ST7: variants seen among roughly 807,000 people sequenced by gnomAD.
The protein encoded by ST7 is suppression of tumorigenicity 7.
ST7 carries 28 observed loss-of-function variants against 78.7 expected under a neutral mutation model. The ratio of observed to expected loss-of-function variants is 0.36; its 90% CI spans 0.26 to 0.49. The LOEUF is 0.49. Ranked by LOEUF, ST7 falls within the 20% of genes least tolerant of loss-of-function variation. The pLI, the probability that ST7 is intolerant of heterozygous loss-of-function variation, is 0.99. For missense variants in ST7, 418 were observed against 696.0 expected, an observed-to-expected ratio of 0.60 and a Z score of 4.49; for synonymous variants, 247 against 249.6, an observed-to-expected ratio of 0.99 and a Z score of 0.10.
rs117315656 is a variant in ST7, at chr7:117,211,371, C to G, written c.1405+1434C>G. Among the ~76,000 whole-genome samples the G allele has an allele frequency of 1.1e-3, 160 of 152,286 alleles. 1 individual carries two copies. In the East Asian group the frequency reaches 0.028, roughly 27 times the overall value. On this transcript the variant is annotated intron_variant, in intron 13 of 15. Transcript: ENST00000323984. ...GGTGTGTGTGAGCATGGTCATGATT[C>G]CTTCTGGCTTGTGCTTCCTGTTGTA... is the stretch of plus-strand genomic sequence containing the variant.
At chr7:117,218,806 C>T (rs912771271) in intron 13 of ST7, among the ~76,000 whole-genome samples, 1 of 152,134 alleles carries the variant, frequency 6.6e-6, no homozygotes, top group Middle Eastern at 3.4e-3. Context: ...ATGATGAAAC[C>T]CTGGGCATTG....
At chr7:117,104,088 G>A (rs766887532) in intron 2 of ST7, among the ~76,000 whole-genome samples, 15 of 151,924 alleles carry the variant, frequency 9.9e-5, no homozygotes, top group Non-Finnish European at 2.1e-4. Context: ...CTCCTGCCTC[G>A]GCCTCCTGAG....
intron 1 of ST7, chr7:117,020,756 A>G (rs1795857805): frequency 1.5e-6 from 2 of 1,351,130 alleles, no homozygotes; most frequent in East Asian, 2.5e-5. Context: ...TCTAATTACA[A>G]AGGAATTGGT....
At chr7:117,071,623 A>G (rs531927098) in intron 1 of ST7, among the ~76,000 whole-genome samples, 42 of 152,340 alleles carry the variant, frequency 2.8e-4, no homozygotes, top group African/African-American at 9.6e-4. Context: ...TATAGAAAGT[A>G]ATATTTGTAT....
At chr7:117,055,521 G>T (rs1200594886) in intron 1 of ST7, among the ~76,000 whole-genome samples, 1 of 152,192 alleles carries the variant, frequency 6.6e-6, no homozygotes, top group Non-Finnish European at 1.5e-5. Context: ...CAGATAAATT[G>T]AGTGAATAAT....
At chr7:117,169,877 A>G (rs1051394692) in intron 9 of ST7, among the ~76,000 whole-genome samples, 21 of 147,404 alleles carry the variant, frequency 1.4e-4, no homozygotes, top group African/African-American at 5.3e-4. Flanking sequence ...CCCATCTTTA[A>G]GCTTCTTCCC....
rs556596969 is a variant in ST7, at chr7:117,127,649, T to C, written c.395-2144T>C. On this transcript the variant is annotated intron_variant, in intron 3 of 15. Transcript: ENST00000323984. The stretch of plus-strand genomic sequence containing the variant: ...GATCCTTTTTTCTAAGTTTTAGGGA[T>C]AGTTAAACTGAATGCAGCACACATA... 7.9e-4 allele frequency among the ~76,000 whole-genome samples: 120 copies of C among 152,074 alleles called. 2 individuals are homozygous for C. The South Asian group carries it at 0.015, about 19-fold the overall frequency.
chr7:117,182,117 C>T lies in ST7; in HGVS notation c.1079-7204C>T, dbSNP rs1808815523. Among the ~76,000 whole-genome samples, 3 of 152,160 alleles carry T rather than the reference C, an allele frequency of 2.0e-5. No homozygotes were observed. The South Asian group carries it at 6.2e-4, about 32-fold the overall frequency. On this transcript the variant is annotated intron_variant, in intron 10 of 15. Coordinates refer to ENST00000323984, the MANE Select transcript of ST7 (RefSeq NM_001369598.1). ...ATTTCTAAAAATCAGATCTTGGAAA[C>T]ACATAGCACAGTTTAAAATCATGTG...
At chr7:117,149,907 C>A (rs1252721869) in intron 9 of ST7, among the ~76,000 whole-genome samples, 1 of 152,116 alleles carries the variant, frequency 6.6e-6, no homozygotes, top group Non-Finnish European at 1.5e-5. Context: ...TTTAATCACA[C>A]ACTGCCCTCA....
chr7:117,116,621 G>A (rs947045397), intron 2 of ST7, among the ~76,000 whole-genome samples: 6 of 152,054 alleles, frequency 3.9e-5, no homozygotes. Context: ...TTAGAAGGAC[G>A]GGGTCCTTTT....
At chr7:117,059,013 G>A (rs1310009088) in intron 1 of ST7, among the ~76,000 whole-genome samples, 1 of 152,154 alleles carries the variant, frequency 6.6e-6, no homozygotes, top group African/African-American at 2.4e-5. Context: ...AACTAATGGA[G>A]ATAGAGAATA....
chr7:117,033,943 TCTTC>T (rs1441805727), intron 1 of ST7, among the ~76,000 whole-genome samples: 1 of 152,086 alleles, frequency 6.6e-6, no homozygotes, highest in Non-Finnish European at 1.5e-5. Flanking sequence ...TTGTTGTTCT[TCTTC>T]CTTTTTTTGT....
intron 9 of ST7, among the ~76,000 whole-genome samples, chr7:117,141,215 T>TA (rs1284882597): frequency 1.3e-5 from 2 of 152,208 alleles, no homozygotes; most frequent in African/African-American, 4.8e-5. Flanking sequence ...TGCATGAGTT[T>TA]AAAACTTTCC....
intron 9 of ST7, chr7:117,144,227 A>G (rs1337947538): frequency 1.3e-5 from 2 of 152,140 alleles, no homozygotes; most frequent in East Asian, 1.9e-4. Context: ...TATTCAGTCT[A>G]TGGTGATATT....
intron 9 of ST7, among the ~76,000 whole-genome samples, chr7:117,147,419 A>T (rs968168279): frequency 1.3e-5 from 2 of 152,158 alleles, no homozygotes; most frequent in African/African-American, 4.8e-5. Flanking sequence ...ATACCTGACT[A>T]TGCCCATGTA....
intron 15 of ST7, among the ~76,000 whole-genome samples, chr7:117,225,950 G>A (rs1793413853): frequency 6.6e-6 from 1 of 152,290 alleles, no homozygotes; most frequent in East Asian, 1.9e-4. Flanking sequence ...AGATAAGCTT[G>A]CACATATAAA....
chr7:116,987,886 A>C (rs1361822915), intron 1 of ST7, among the ~76,000 whole-genome samples: 1 of 152,010 alleles, frequency 6.6e-6, no homozygotes, highest in Non-Finnish European at 1.5e-5. Context: ...ACCATGCCCG[A>C]CTACTAATTT....
chr7:117,189,842 A>G (rs754919405), intron 11 of ST7, among the ~76,000 whole-genome samples: 1 of 152,164 alleles, frequency 6.6e-6, no homozygotes, highest in Non-Finnish European at 1.5e-5. Context: ...CCACTGGTCT[A>G]TTAACTTTGA....
At chr7:117,192,747 A>C (rs1373629427) in intron 12 of ST7, among the ~76,000 whole-genome samples, 1 of 152,162 alleles carries the variant, frequency 6.6e-6, no homozygotes, top group Non-Finnish European at 1.5e-5. Flanking sequence ...TTTAATGCTA[A>C]AACACTGGTC....
Sources: gnomAD v4.1 joint callset for allele counts (sites outside exome capture counted in the v4.1 genomes callset) on GRCh38, gnomAD v4.1.1 for gene constraint, MANE v1.5 for transcripts, NCBI Gene and HGNC (gene_info 2026-07-23, HGNC 2026-07-21) for gene names.